Variants in ZMAT4 observed in about 807,000 individuals in gnomAD.
ZMAT4 encodes the protein zinc finger matrin-type 4.
ZMAT4 carries 17 observed loss-of-function variants against 28.7 expected under a neutral mutation model. The observed-to-expected ratio is 0.59, with a 90% CI of 0.41 to 0.89. The LOEUF (loss-of-function observed/expected upper bound fraction) is 0.89, where lower values mean the gene tolerates loss of function less well. ZMAT4 is among the 40% of genes least tolerant of loss of function. ZMAT4 has a pLI of 0.00. For synonymous variants in ZMAT4, 117 were observed against 109.2 expected (o/e 1.07, Z -0.44); for missense variants, 240 against 283.8 (o/e 0.85, Z 1.11).
At chr8:40,732,428 G>A (rs1811580223) in intron 3 of ZMAT4, among the ~76,000 whole-genome samples, 1 of 152,180 alleles carries the variant, frequency 6.6e-6, no homozygotes, top group Admixed American at 6.5e-5. Flanking sequence ...GCCAGGGCCT[G>A]CAGCCTTAGG....
At chr8:40,749,993 G>A (rs1018568072) in intron 3 of ZMAT4, among the ~76,000 whole-genome samples, 14 of 152,270 alleles carry the variant, frequency 9.2e-5, no homozygotes, top group Admixed American at 3.9e-4. Context: ...TTTGCCAGAC[G>A]TAAGTCCAAA....
At chr8:40,711,194 TAAAAG>T (rs535877662) in intron 3 of ZMAT4, among the ~76,000 whole-genome samples, 16 of 152,144 alleles carry the variant, frequency 1.1e-4, no homozygotes, top group Non-Finnish European at 1.3e-4. Flanking sequence ...TAGACACTGA[TAAAAG>T]AAAAGAATGA....
intron 2 of ZMAT4, among the ~76,000 whole-genome samples, chr8:40,772,905 G>C (rs1563474177): frequency 6.6e-6 from 1 of 152,140 alleles, no homozygotes; most frequent in African/African-American, 2.4e-5. Context: ...TAGAACACGG[G>C]TTCCTGCAAA....
chr8:40,794,886 G>C (rs1814521306), intron 2 of ZMAT4, among the ~76,000 whole-genome samples: 2 of 151,886 alleles, frequency 1.3e-5, no homozygotes, highest in South Asian at 4.2e-4. Context: ...GGTGGCGGGG[G>C]AGGGTGGGCA....
chr8:40,601,367 G>A (rs920957947), intron 5 of ZMAT4, among the ~76,000 whole-genome samples: 2 of 143,044 alleles, frequency 1.4e-5, no homozygotes, highest in African/African-American at 5.2e-5. Context: ...AGGTAAAGAG[G>A]CTGATAGCCA....
chr8:40,784,060 TACC>T (rs754576888), intron 2 of ZMAT4, among the ~76,000 whole-genome samples: 13 of 151,758 alleles, frequency 8.6e-5, no homozygotes, highest in African/African-American at 2.4e-4. Context: ...CTCTCTTCTC[TACC>T]ACCACCACCA....
intron 3 of ZMAT4, among the ~76,000 whole-genome samples, chr8:40,766,310 T>C (rs1813157230): frequency 6.6e-6 from 1 of 152,234 alleles, no homozygotes; most frequent in African/African-American, 2.4e-5. Context: ...CAACACTGCG[T>C]CTTATTTAGC....
Position 40,596,757 on chromosome 8 carries a change from G to A in ZMAT4, c.578-15496C>T, listed in dbSNP as rs116154258. On this transcript the variant is annotated intron_variant, in intron 5 of 6. Coordinates refer to ENST00000297737, the MANE Select transcript of ZMAT4 (RefSeq NM_024645.3). ...TGTGAATTTGTCTACTTGCTAAAAT[G>A]TATTTGTAACCCCCAAATCAATAGA... Among the ~76,000 whole-genome samples the A allele has an allele frequency of 3.6e-3, 544 of 152,286 alleles. 2 individuals are homozygous for A. The highest frequency in any genetic ancestry group is 0.013 in the African/African-American group (521 of 41,562).
intron 5 of ZMAT4, among the ~76,000 whole-genome samples, chr8:40,673,579 A>T (rs1033466997): frequency 1.3e-5 from 2 of 152,194 alleles, no homozygotes; most frequent in Non-Finnish European, 2.9e-5. Context: ...CCCTTGCAGA[A>T]TTATTTTTAT....
chr8:40,841,660 C>T (rs1255007646), intron 1 of ZMAT4, among the ~76,000 whole-genome samples: 2 of 152,248 alleles, frequency 1.3e-5, no homozygotes, highest in East Asian at 3.9e-4. Flanking sequence ...CCCTTAGAGG[C>T]AAAAAGTATC....
intron 6 of ZMAT4, among the ~76,000 whole-genome samples, chr8:40,577,292 T>C (rs544739352): frequency 3.9e-5 from 6 of 152,286 alleles, no homozygotes; most frequent in African/African-American, 1.4e-4. Flanking sequence ...CATCAATAGA[T>C]GAATGGATAG....
chr8:40,588,524 T>C (rs977575874), intron 5 of ZMAT4, among the ~76,000 whole-genome samples: 2 of 152,096 alleles, frequency 1.3e-5, no homozygotes, highest in African/African-American at 4.8e-5. Context: ...ATGAAAAGTT[T>C]CTCAACATCA....
chr8:40,877,315 C>T lies in ZMAT4; in HGVS notation c.-5+20368G>A, dbSNP rs148172572. 1.3e-3 allele frequency among the ~76,000 whole-genome samples: 205 copies of T among 152,264 alleles called. 1 individual carries two copies. Among genetic ancestry groups the T allele is most frequent in the African/African-American group, 3.9e-3 (160 of 41,550 alleles). ...TCTGTTGTTGAAACACCCTGGTATG[C>T]GGTACTTCATTACGACTGCACTAGT... is the stretch of plus-strand genomic sequence containing the variant. On this transcript the variant is annotated intron_variant, in intron 1 of 6. Transcript: ENST00000297737.
Position 40,591,185 on chromosome 8 carries a change from G to A in ZMAT4, c.578-9924C>T, listed in dbSNP as rs142054667. Among the ~76,000 whole-genome samples the A allele has an allele frequency of 2.4e-3, 364 of 152,286 alleles. 1 individual carries two copies. Among genetic ancestry groups the A allele is most frequent in the African/African-American group, 7.3e-3 (304 of 41,566 alleles). On this transcript the variant is annotated intron_variant, in intron 5 of 6. Transcript: ENST00000297737. ...AGGGAGTCATTAACACTTAGGTGGC[G>A]TCTAAAACCGCAGGGATGGTCAGAT...
chr8:40,844,122 G>A (rs1157021493), intron 1 of ZMAT4, among the ~76,000 whole-genome samples: 2 of 152,168 alleles, frequency 1.3e-5, no homozygotes, highest in African/African-American at 4.8e-5. Flanking sequence ...AAGAGTGACA[G>A]GAGAAGAGAA....
intron 5 of ZMAT4, among the ~76,000 whole-genome samples, chr8:40,639,704 T>G (rs1806937736): frequency 6.7e-6 from 1 of 149,928 alleles, no homozygotes; most frequent in Non-Finnish European, 1.5e-5. Flanking sequence ...TCCTGCCTGC[T>G]GGCTCTAACC....
intron 5 of ZMAT4, among the ~76,000 whole-genome samples, chr8:40,618,953 G>A (rs1806109552): frequency 6.6e-6 from 1 of 152,224 alleles, no homozygotes; most frequent in Admixed American, 6.5e-5. Flanking sequence ...CTAGTGAAGG[G>A]TTTGCAGTCC....
At chr8:40,556,545 C>A (rs1388196634) in intron 6 of ZMAT4, among the ~76,000 whole-genome samples, 2 of 152,150 alleles carry the variant, frequency 1.3e-5, no homozygotes, top group African/African-American at 4.8e-5. Flanking sequence ...CCTACAACCA[C>A]TCTCCTGAGT....
chr8:40,735,913 A>T lies in ZMAT4; in HGVS notation c.192+31728T>A, dbSNP rs1811743086. Among the ~76,000 whole-genome samples, 3 of 152,206 alleles carry T rather than the reference A, an allele frequency of 2.0e-5. No individual in the cohort carries two copies. The South Asian group carries it at 6.2e-4, about 31-fold the overall frequency. On this transcript the variant is annotated intron_variant, in intron 3 of 6. Transcript: ENST00000297737. ...GAGTGGGAGTGACTTGTCCCAGGGCACACAGTAAATTGGTAGCTGAGATGA... is the reference window on the plus strand; with the variant it reads ...GAGTGGGAGTGACTTGTCCCAGGGCTCACAGTAAATTGGTAGCTGAGATGA...
Sources: allele counts gnomAD v4.1 joint callset (sites outside exome capture counted in the v4.1 genomes callset), GRCh38; gene constraint gnomAD v4.1.1; transcripts MANE v1.5; gene names NCBI Gene and HGNC (gene_info 2026-07-23, HGNC 2026-07-21).